NAV3: variants seen among roughly 807,000 people sequenced by gnomAD.
NAV3 encodes neuron navigator 3.
NAV3 carries 87 observed loss-of-function variants against 244.7 expected under a neutral mutation model. The observed-to-expected ratio is 0.36, with a 90% confidence interval of 0.30 to 0.42. The LOEUF (loss-of-function observed/expected upper bound fraction) is 0.42, where lower values mean the gene tolerates loss of function less well. NAV3 is among the 20% of genes least tolerant of loss of function. NAV3 has a pLI of 1.00. For missense variants in NAV3, 2,663 were observed against 2,893.3 expected, an observed-to-expected ratio of 0.92 and a Z score of 1.83; for synonymous variants, 1,126 against 1,042.2, an observed-to-expected ratio of 1.08 and a Z score of -1.55.
At chr12:77,983,668 G>A (rs1366645754) in intron 5 of NAV3, among the ~76,000 whole-genome samples, 1 of 152,020 alleles carries the variant, frequency 6.6e-6, no homozygotes, top group Non-Finnish European at 1.5e-5. Context: ...TATAAAAGTA[G>A]GGGAAAGAAA....
intron 22 of NAV3, among the ~76,000 whole-genome samples, chr12:78,151,699 G>A (rs1309755235): frequency 6.6e-6 from 1 of 151,614 alleles, no homozygotes; most frequent in Non-Finnish European, 1.5e-5. Context: ...GAATGAGATG[G>A]CCATCACATG....
At chr12:78,115,039 A>G (rs933311410) in intron 12 of NAV3, among the ~76,000 whole-genome samples, 5 of 152,120 alleles carry the variant, frequency 3.3e-5, no homozygotes, top group African/African-American at 1.2e-4. Flanking sequence ...CATTACCATT[A>G]TTTTGGACTT....
intron 9 of NAV3, chr12:78,036,997 T>C (rs1464086069): frequency 1.0e-5 from 7 of 702,856 alleles, no homozygotes; most frequent in Non-Finnish European, 1.8e-5. Flanking sequence ...ACGGTGCGCA[T>C]TTCCAACTGG....
chr12:77,790,667 A>G (rs1478236515), intron 2 of NAV3, among the ~76,000 whole-genome samples: 3 of 152,122 alleles, frequency 2.0e-5, no homozygotes, highest in African/African-American at 2.4e-5. Context: ...GGCTTGCTAG[A>G]CTTTCAGACT....
In NAV3 at chr12:78,002,897, A is replaced by G. The variant is rs1873549125; in HGVS notation, c.881-3522A>G. Reference sequence around the variant, plus strand: ...TTTATAAGACTAAATAGACTTGGCCATATGTGTTGTTGGTTTATGCATACA... The same window carrying G: ...TTTATAAGACTAAATAGACTTGGCCGTATGTGTTGTTGGTTTATGCATACA... On this transcript the variant is annotated intron_variant, in intron 7 of 39. Coordinates refer to ENST00000397909, the MANE Select transcript of NAV3 (RefSeq NM_001024383.2). Among the ~76,000 whole-genome samples, 4 of 151,950 alleles carry G rather than the reference A, an allele frequency of 2.6e-5. No individual in the cohort carries two copies. The South Asian group carries it at 8.3e-4, about 31-fold the overall frequency.
intron 3 of NAV3, chr12:77,947,346 G>A (rs1890449581): frequency 6.6e-6 from 1 of 150,436 alleles, no homozygotes; most frequent in Non-Finnish European, 1.5e-5. Context: ...GCTTTTATCA[G>A]TAGCCTGTCC....
At chr12:77,659,812 G>A (rs1873342098) in intron 2 of NAV3, among the ~76,000 whole-genome samples, 1 of 152,246 alleles carries the variant, frequency 6.6e-6, no homozygotes, top group Admixed American at 6.5e-5. Context: ...CCTTTGTAGG[G>A]ACATGGATGA....
At chr12:77,908,851 T>C (rs1886281974) in intron 1 of NAV3, among the ~76,000 whole-genome samples, 1 of 152,084 alleles carries the variant, frequency 6.6e-6, no homozygotes, top group South Asian at 2.1e-4. Context: ...ATAGATTGTA[T>C]AGTTTGTATT....
In NAV3 at chr12:78,007,389, T is replaced by G. The variant is rs1874421290; in HGVS notation, c.1851T>G (p.Pro617=). 6.2e-7 allele frequency: 1 copy of G among 1,613,940 alleles called. No individual in the cohort carries two copies. Among genetic ancestry groups the G allele is most frequent in the African/African-American group, 1.3e-5 (1 of 74,872 alleles). The change falls in exon 8 of 40, where the codon CCT becomes CCG. Residue 617 remains proline (P), a synonymous_variant. Coordinates refer to ENST00000397909, the MANE Select transcript of NAV3 (RefSeq NM_001024383.2). ...CAGGAAATGGTGCTGTCCAACTCCCTCAACAGCAGCAACATAGCCACCCGA... is the reference window on the plus strand; with the variant it reads ...CAGGAAATGGTGCTGTCCAACTCCCGCAACAGCAGCAACATAGCCACCCGA... The part of the protein sequence containing the change: ...QSTGNGAVQL[P]QQQQHSHPNT...
chr12:78,103,673 C>G (rs1483837124), intron 12 of NAV3, among the ~76,000 whole-genome samples: 1 of 152,166 alleles, frequency 6.6e-6, no homozygotes, highest in Non-Finnish European at 1.5e-5. Context: ...ACAATCATGG[C>G]AGGAGGCAAA....
chr12:77,898,677 A>G (rs927752554), intron 1 of NAV3, among the ~76,000 whole-genome samples: 10 of 152,244 alleles, frequency 6.6e-5, no homozygotes, highest in African/African-American at 2.4e-4. Context: ...TGTCCGTTCT[A>G]TAAGTAATAA....
rs869041498 is a variant in NAV3, at chr12:77,976,674, C to CTTTT, written c.671+7987_671+7990dup. Among the ~76,000 whole-genome samples the CTTTT allele has an allele frequency of 2.4e-3, 201 of 83,320 alleles. 2 individuals carry two copies. The highest frequency in any genetic ancestry group is 8.5e-3 in the Middle Eastern group (1 of 118). The allele number at this position is 83,320 out of a possible 152,430, so 54.7% of individuals were successfully genotyped here. On this transcript the variant is annotated intron_variant, in intron 5 of 39. Coordinates refer to ENST00000397909, the MANE Select transcript of NAV3 (RefSeq NM_001024383.2). ...TCTTTCTTTCTTTCTTTCTTTTTTT[C>CTTTT]TTTTTTTTTTTTTTTTTTGAGACGG...
At chr12:77,863,887 G>A (rs575064328) in intron 1 of NAV3, among the ~76,000 whole-genome samples, 37 of 151,828 alleles carry the variant, frequency 2.4e-4, no homozygotes, top group Non-Finnish European at 3.4e-4. Context: ...TTTATAATAG[G>A]GTTATAAAAT....
At chr12:78,029,945 A>T (rs529959499) in intron 9 of NAV3, among the ~76,000 whole-genome samples, 5 of 152,332 alleles carry the variant, frequency 3.3e-5, no homozygotes, top group Non-Finnish European at 7.4e-5. Flanking sequence ...TGACTGAGAT[A>T]GAGACACCTT....
chr12:78,036,450 A>G (rs1290487757), intron 9 of NAV3: 6 of 163,716 alleles, frequency 3.7e-5, no homozygotes, highest in Non-Finnish European at 8.1e-5. Context: ...AAAAAGCAAA[A>G]AGCAAGAGAC....
At position 78,197,226 on chromosome 12, in the gene NAV3, GT is replaced by G; in HGVS notation, c.6292-17del. The G allele has an allele frequency of 6.6e-7, 1 of 1,507,854 alleles. No individual in the cohort carries two copies. 93.4% of individuals were successfully genotyped at this position (1,507,854 alleles called of 1,614,324 possible). On this transcript the variant is annotated intron_variant, in intron 34 of 39. Transcript: ENST00000397909. ...GTATAAATTTATCACTGACGTATCT[GT>G]TTTCTTCATTTTTTAAAAGGAATTG...
chr12:77,622,059 C>T (rs1871393738), intron 2 of NAV3, among the ~76,000 whole-genome samples: 2 of 152,128 alleles, frequency 1.3e-5, no homozygotes, highest in Admixed American at 1.3e-4. Context: ...TAGCAAAGTA[C>T]TTGCCCCAGT....
chr12:77,656,617 A>G (rs1277855493), intron 2 of NAV3, among the ~76,000 whole-genome samples: 6 of 134,494 alleles, frequency 4.5e-5, no homozygotes, highest in Non-Finnish European at 7.7e-5. Flanking sequence ...CCTAATAGAC[A>G]TCTACAGAAC....
At chr12:78,190,346 A>G in intron 34 of NAV3, 127 bp downstream of exon 34, 1 of 737,056 alleles carries the variant, frequency 1.4e-6, no homozygotes, top group Non-Finnish European at 2.2e-6. Flanking sequence ...TTTTTACTAG[A>G]ATTGTAACCT....
Sources: gnomAD v4.1 joint callset for allele counts (sites outside exome capture counted in the v4.1 genomes callset) on GRCh38, gnomAD v4.1.1 for gene constraint, MANE v1.5 for transcripts, NCBI Gene and HGNC (gene_info 2026-07-23, HGNC 2026-07-21) for gene names.